Variants in MYPN observed in about 807,000 individuals in gnomAD.
The protein encoded by MYPN is myopalladin.
In MYPN, 63 loss-of-function variants were observed where a neutral mutation model predicts 129.4. The observed-to-expected ratio is 0.49, with a 90% confidence interval of 0.40 to 0.60. The LOEUF (loss-of-function observed/expected upper bound fraction) is 0.60. MYPN is among the 20% of genes least tolerant of loss of function. The probability of loss-of-function intolerance (pLI) is 0.00; values close to 1 mark genes in which losing one functional copy is unlikely to be tolerated. For synonymous variants in MYPN, 629 were observed against 600.9 expected (o/e 1.05, Z -0.68); for missense variants, 1,596 against 1,635.4 (o/e 0.98, Z 0.42).
In MYPN at chr10:68,122,245, C is replaced by G; in HGVS notation, c.807C>G (p.Pro269=). 1 of 1,613,396 alleles carries G rather than the reference C, an allele frequency of 6.2e-7. No homozygotes were observed. ...ATGAAGAACCTCTGGGGCAACCTCC[C>G]CGGTTCACTCAAAAGTTACGGAGCA... ...LYYEEPLGQP[P]RFTQKLRSRE... The change falls in exon 2 of 20, where the codon CCC becomes CCG. Residue 269 remains proline (P), a synonymous_variant. Coordinates refer to ENST00000358913, the MANE Select transcript of MYPN (RefSeq NM_032578.4).
chr10:68,099,966 CTTAGATG>C, intron 1 of MYPN, among the ~76,000 whole-genome samples: 1 of 152,112 alleles, frequency 6.6e-6, no homozygotes, highest in Non-Finnish European at 1.5e-5. Flanking sequence ...TTGTATGGAC[CTTAGATG>C]TGAATCACAG....
At chr10:68,133,543 A>AG (rs1015217026) in intron 2 of MYPN, among the ~76,000 whole-genome samples, 48 of 152,238 alleles carry the variant, frequency 3.2e-4, no homozygotes, top group African/African-American at 9.6e-4. Context: ...TCTGCCAATA[A>AG]GCAGGTGGAA....
intron 5 of MYPN, 147 bp downstream of exon 5, chr10:68,148,614 C>G (rs1252053809): frequency 1.3e-6 from 1 of 750,820 alleles, no homozygotes; most frequent in Non-Finnish European, 2.4e-6. Context: ...TGTTTGAGAG[C>G]AGTGGTTCCT....
rs371306075 is a variant in MYPN at position 68,143,090 on chromosome 10, G to T, written c.1053G>T (p.Ser351=). The T allele has an allele frequency of 1.9e-6, 3 of 1,613,920 alleles. No homozygotes were observed. The highest frequency in any genetic ancestry group is 4.5e-5 in the East Asian group (2 of 44,882). Residue 351 remains serine, a synonymous_variant, in exon 3 of 20, where the codon TCG becomes TCT. Coordinates refer to ENST00000358913, the MANE Select transcript of MYPN (RefSeq NM_032578.4). ...CTTCTAACATCTATGGGACAGATTCGACTTCTGCTGAGATTTATATAGAAG... is the reference window on the plus strand; with the variant it reads ...CTTCTAACATCTATGGGACAGATTCTACTTCTGCTGAGATTTATATAGAAG... ...CFASNIYGTD[S]TSAEIYIEGV...
chr10:68,196,912 C>T (rs976643196), intron 15 of MYPN, among the ~76,000 whole-genome samples: 1 of 152,086 alleles, frequency 6.6e-6, no homozygotes, highest in Non-Finnish European at 1.5e-5. Flanking sequence ...AATTTATAGC[C>T]AGGTTAAATT....
intron 10 of MYPN, among the ~76,000 whole-genome samples, chr10:68,171,146 CA>C (rs10656004): frequency 3.5e-4 from 47 of 132,776 alleles, no homozygotes; most frequent in East Asian, 6.4e-4. Context: ...AAGACTCTGT[CA>C]AAAAAAAAAA....
chr10:68,201,537 C>T lies in MYPN; in HGVS notation c.3494-292C>T, dbSNP rs191237739. On this transcript the variant is annotated intron_variant, in intron 17 of 19. Transcript: ENST00000358913. Reference sequence around the variant, plus strand: ...ACCCCAGCACTTTGGGAGGCCAAGGCGGGTGGGTCACCTGAGGCCAGGAGT... The same window carrying T: ...ACCCCAGCACTTTGGGAGGCCAAGGTGGGTGGGTCACCTGAGGCCAGGAGT... Among the ~76,000 whole-genome samples, 1,205 of 152,184 alleles carry T rather than the reference C, an allele frequency of 7.9e-3. 16 individuals are homozygous for T. The highest frequency in any genetic ancestry group is 0.041 in the Middle Eastern group (12 of 294).
chr10:68,181,338 C>T (rs979241261), intron 12 of MYPN, among the ~76,000 whole-genome samples: 1 of 151,990 alleles, frequency 6.6e-6, no homozygotes, highest in Admixed American at 6.6e-5. Context: ...GTTGCCCAGG[C>T]TGAATTGCAG....
chr10:68,141,541 AAT>A (rs2042579276), intron 2 of MYPN, among the ~76,000 whole-genome samples: 1 of 152,172 alleles, frequency 6.6e-6, no homozygotes, highest in Non-Finnish European at 1.5e-5. Flanking sequence ...TATGTTGATT[AAT>A]AGTTATTATT....
At chr10:68,096,691 G>T (rs1207614934) in intron 1 of MYPN, among the ~76,000 whole-genome samples, 1 of 152,170 alleles carries the variant, frequency 6.6e-6, no homozygotes, top group Non-Finnish European at 1.5e-5. Context: ...TTATTTAGAA[G>T]AACTGAATCT....
rs767526270 is a variant in MYPN at position 68,188,980 on chromosome 10, G to T, written c.2779G>T (p.Glu927Ter). ...TCGCTTGGAACGTACTCCTGTTGATGAATCAGATGATGAAATTCAACATGA... is the reference window on the plus strand; with the variant it reads ...TCGCTTGGAACGTACTCCTGTTGATTAATCAGATGATGAAATTCAACATGA... ...EFRLERTPVD[E>*]SDDEIQHDEI... The change falls in exon 13 of 20, where the codon GAA becomes TAA. Residue 927 changes from glutamate to a stop codon, truncating the protein, a stop_gained. Coordinates refer to ENST00000358913, the MANE Select transcript of MYPN (RefSeq NM_032578.4). LOFTEE classifies it high-confidence loss of function. The T allele has an allele frequency of 1.2e-6, 2 of 1,614,134 alleles. No individual in the cohort carries two copies. The highest frequency in any genetic ancestry group is 2.7e-5 in the African/African-American group (2 of 75,048).
Position 68,210,874 on chromosome 10 carries a change from A to AT in MYPN, c.*419_*420insT, listed in dbSNP as rs1186010837. 1 of 456,188 alleles carries AT rather than the reference A, an allele frequency of 2.2e-6. No homozygotes were observed. The highest frequency in any genetic ancestry group is 6.9e-5 in the East Asian group (1 of 14,448). The allele number at this position is 456,188 out of a possible 1,614,324, so 28.3% of individuals were successfully genotyped here. On this transcript the variant is annotated 3_prime_UTR_variant, in exon 20 of 20. Coordinates refer to ENST00000358913, the MANE Select transcript of MYPN (RefSeq NM_032578.4). The stretch of plus-strand genomic sequence containing the variant: ...ACTAACTCACCAAACAATGCCAAGG[A>AT]GAAAGGCGGACAGGTCACCATCACC...
intron 3 of MYPN, among the ~76,000 whole-genome samples, chr10:68,144,075 A>G (rs2042622388): frequency 6.6e-6 from 1 of 152,132 alleles, no homozygotes; most frequent in Non-Finnish European, 1.5e-5. Context: ...AATAGTCACT[A>G]TGGCTGCTGT....
intron 10 of MYPN, among the ~76,000 whole-genome samples, chr10:68,172,386 A>C (rs963766615): frequency 6.6e-6 from 1 of 152,094 alleles, no homozygotes; most frequent in Non-Finnish European, 1.5e-5. Flanking sequence ...TAGAATAAAG[A>C]ACATATAATT....
At chr10:68,192,855 T>C (rs2134271856) in intron 13 of MYPN, among the ~76,000 whole-genome samples, 1 of 152,268 alleles carries the variant, frequency 6.6e-6, no homozygotes, top group East Asian at 1.9e-4. Context: ...TGGTTATCAG[T>C]TGTATTGTTT....
chr10:68,152,076 C>A (rs955265851), intron 6 of MYPN, among the ~76,000 whole-genome samples: 3 of 152,088 alleles, frequency 2.0e-5, no homozygotes, highest in Non-Finnish European at 4.4e-5. Context: ...CCTTCCAAGT[C>A]ATAGGCAGAT....
At chr10:68,124,007 T>C (rs2042290107) in intron 2 of MYPN, among the ~76,000 whole-genome samples, 1 of 152,238 alleles carries the variant, frequency 6.6e-6, no homozygotes, top group African/African-American at 2.4e-5. Flanking sequence ...TCATGAAAGC[T>C]ATGACTGATG....
intron 12 of MYPN, among the ~76,000 whole-genome samples, chr10:68,182,340 CATATATAACATATATATAACACAT>C (rs1564686767): frequency 0.013 from 349 of 27,862 alleles, 10 homozygotes; most frequent in African/African-American, 0.028. Context: ...ATAACACACA[CATATATAACATATATATAACACAT>C]ATATATAACA....
rs778346244 is a variant in MYPN, at chr10:68,189,017, C to T, written c.2816C>T (p.Thr939Met). ...GAAATTCAACATGATGAGATCCCCA[C>T]GGGCAAGTGTATTGCTCCCATCTTT... ...DDEIQHDEIPTGKCIAPIFDK... is the reference protein window; with the variant it reads ...DDEIQHDEIPMGKCIAPIFDK... The change falls in exon 13 of 20, where the codon ACG becomes ATG. Residue 939 changes from threonine (T) to methionine (M), a missense_variant. By Grantham distance (81) the Thr-to-Met change is moderately conservative. Coordinates refer to ENST00000358913, the MANE Select transcript of MYPN (RefSeq NM_032578.4). 14 of 1,614,114 alleles carry T rather than the reference C, an allele frequency of 8.7e-6. No homozygotes were observed. Among genetic ancestry groups the T allele is most frequent in the Admixed American group, 5.0e-5 (3 of 60,010 alleles).
Sources: allele counts gnomAD v4.1 joint callset (sites outside exome capture counted in the v4.1 genomes callset), GRCh38; gene constraint gnomAD v4.1.1; transcripts MANE v1.5; gene names NCBI Gene and HGNC (gene_info 2026-07-23, HGNC 2026-07-21).